ADAM22: variants seen among roughly 807,000 people sequenced by gnomAD.
The protein encoded by ADAM22 is ADAM metallopeptidase domain 22.
Under a neutral mutation model 144.6 loss-of-function variants are expected in ADAM22, and 65 were observed. That is an observed-to-expected ratio of 0.45 (90% CI 0.37 to 0.55). The LOEUF is 0.55. Among genes scored for constraint, ADAM22 ranks in the 20% least tolerant of loss-of-function variants. The probability of loss-of-function intolerance (pLI) is 0.00; values close to 1 mark genes in which losing one functional copy is unlikely to be tolerated. For synonymous variants in ADAM22, 391 were observed against 412.6 expected (o/e 0.95, Z 0.63); for missense variants, 974 against 1,184.9 (o/e 0.82, Z 2.61).
intron 3 of ADAM22, among the ~76,000 whole-genome samples, chr7:88,030,613 A>G (rs1335175504): frequency 2.0e-5 from 3 of 152,106 alleles, no homozygotes. Flanking sequence ...AATGGTTAGC[A>G]TCATCCACCT....
chr7:88,091,088 G>A (rs904456679), intron 4 of ADAM22, among the ~76,000 whole-genome samples: 3 of 152,112 alleles, frequency 2.0e-5, no homozygotes, highest in Admixed American at 6.6e-5. Context: ...AATAATTACT[G>A]TATATTGCTG....
At chr7:88,157,705 A>G (rs1009804514) in intron 22 of ADAM22, among the ~76,000 whole-genome samples, 6 of 152,156 alleles carry the variant, frequency 3.9e-5, no homozygotes, top group African/African-American at 1.2e-4. Context: ...AGCACAGACA[A>G]CAGCAGGCCA....
At chr7:88,010,422 G>T (rs1392513689) in intron 3 of ADAM22, among the ~76,000 whole-genome samples, 9 of 152,074 alleles carry the variant, frequency 5.9e-5, no homozygotes, top group Admixed American at 5.9e-4. Context: ...GTAGCCTAAA[G>T]GTCGCCTGGA....
chr7:87,967,363 C>A (rs1849375665), intron 2 of ADAM22, among the ~76,000 whole-genome samples: 1 of 152,144 alleles, frequency 6.6e-6, no homozygotes, highest in African/African-American at 2.4e-5. Context: ...TGAAGTAGCT[C>A]TTTAAAAAAT....
At chr7:87,984,090 A>C (rs1020168597) in intron 3 of ADAM22, among the ~76,000 whole-genome samples, 2 of 152,204 alleles carry the variant, frequency 1.3e-5, no homozygotes, top group Admixed American at 6.5e-5. Flanking sequence ...GTGACTATAA[A>C]GTAGAATTAC....
In ADAM22 at chr7:88,011,746, C is replaced by G. The variant is rs957397009; in HGVS notation, c.323+33334C>G. 2.4e-4 allele frequency among the ~76,000 whole-genome samples: 36 copies of G among 151,548 alleles called. 2 individuals carry two copies. Among genetic ancestry groups the G allele is most frequent in the Admixed American group, 2.4e-3 (36 of 15,198 alleles). ...TCTCTCTCTCTCCGCCCCCCACCCC[C>G]CAACCTTTCTCTCTAGCTTCTTTCA... On this transcript the variant is annotated intron_variant, in intron 3 of 31. Coordinates refer to ENST00000413139, the MANE Select transcript of ADAM22 (RefSeq NM_001324418.2).
intron 2 of ADAM22, among the ~76,000 whole-genome samples, chr7:87,935,960 C>G (rs1841146137): frequency 6.6e-6 from 1 of 152,130 alleles, no homozygotes; most frequent in African/African-American, 2.4e-5. Context: ...TATTTCTACA[C>G]ATCAGCTGAT....
chr7:88,096,299 T>A lies in ADAM22; in HGVS notation c.391-11877T>A, dbSNP rs888859726. On this transcript the variant is annotated intron_variant, in intron 4 of 31. Transcript: ENST00000413139. ...CCAAAATATATTTTTCAATAATTTCTGCTCTTACTTTTGTAATTTCCTTTT... is the reference window on the plus strand; with the variant it reads ...CCAAAATATATTTTTCAATAATTTCAGCTCTTACTTTTGTAATTTCCTTTT... Among the ~76,000 whole-genome samples the A allele has an allele frequency of 2.6e-4, 39 of 152,068 alleles. No homozygotes were observed. The East Asian group carries it at 6.7e-3, about 26-fold the overall frequency.
chr7:87,949,103 T>A (rs1844409590), intron 2 of ADAM22, among the ~76,000 whole-genome samples: 1 of 152,212 alleles, frequency 6.6e-6, no homozygotes, highest in South Asian at 2.1e-4. Context: ...TCATTCTACT[T>A]TTATGGCTAA....
chr7:88,111,946 T>A (rs1201048217), intron 5 of ADAM22, among the ~76,000 whole-genome samples: 1 of 152,240 alleles, frequency 6.6e-6, no homozygotes, highest in Non-Finnish European at 1.5e-5. Context: ...CATTGGACAT[T>A]AACCTAGTAT....
chr7:88,009,194 A>G (rs558750205), intron 3 of ADAM22, among the ~76,000 whole-genome samples: 2 of 152,302 alleles, frequency 1.3e-5, no homozygotes, highest in African/African-American at 2.4e-5. Flanking sequence ...GACCCCCATG[A>G]CACAGTTTGT....
Position 88,106,933 on chromosome 7 carries a change from C to G in ADAM22, c.391-1243C>G, listed in dbSNP as rs575819914. ...ATTGAATCCAAATAAATGAATCTCTCTTAGTAGAATTTTATTAATGCAATT... is the reference window on the plus strand; with the variant it reads ...ATTGAATCCAAATAAATGAATCTCTGTTAGTAGAATTTTATTAATGCAATT... On this transcript the variant is annotated intron_variant, in intron 4 of 31. Coordinates refer to ENST00000413139, the MANE Select transcript of ADAM22 (RefSeq NM_001324418.2). Among the ~76,000 whole-genome samples, 8 of 152,234 alleles carry G rather than the reference C, an allele frequency of 5.3e-5. No individual in the cohort carries two copies. The South Asian group carries it at 8.3e-4, about 16-fold the overall frequency.
At chr7:88,093,424 A>T (rs1820454899) in intron 4 of ADAM22, among the ~76,000 whole-genome samples, 1 of 152,224 alleles carries the variant, frequency 6.6e-6, no homozygotes, top group South Asian at 2.1e-4. Flanking sequence ...AAGACCAGAG[A>T]ATATATACTA....
intron 3 of ADAM22, among the ~76,000 whole-genome samples, chr7:88,013,809 C>A (rs532096688): frequency 1.5e-4 from 23 of 152,268 alleles, no homozygotes; most frequent in Admixed American, 3.3e-4. Flanking sequence ...AAAAGTGTTT[C>A]CCACACTCAT....
At chr7:88,166,972 C>G (rs1391145352) in intron 24 of ADAM22, among the ~76,000 whole-genome samples, 1 of 152,192 alleles carries the variant, frequency 6.6e-6, no homozygotes, top group Non-Finnish European at 1.5e-5. Flanking sequence ...AAGGAATCCT[C>G]TGGCATTTGC....
Position 88,125,570 on chromosome 7 carries a change from A to T in ADAM22, c.608-19A>T. ...TCTGACAAATGCACTAAGTTAAATTAAATTTAATTTCCTTTTAGAATTTCA... is the reference window on the plus strand; with the variant it reads ...TCTGACAAATGCACTAAGTTAAATTTAATTTAATTTCCTTTTAGAATTTCA... On this transcript the variant is annotated intron_variant, in intron 7 of 31. Coordinates refer to ENST00000413139, the MANE Select transcript of ADAM22 (RefSeq NM_001324418.2). 1 of 1,562,404 alleles carries T rather than the reference A, an allele frequency of 6.4e-7. No individual in the cohort carries two copies. Among genetic ancestry groups the T allele is most frequent in the Non-Finnish European group, 8.8e-7 (1 of 1,141,164 alleles).
Position 88,156,140 on chromosome 7 carries a change from T to TA in ADAM22, c.1907+137dup, listed in dbSNP as rs774046279. On this transcript the variant is annotated intron_variant, in intron 22 of 31. Transcript: ENST00000413139. ...AATCTAGTCTATAGAGACGATTGAG[T>TA]AAATCCTAACAGAGAAGAGATAAAA... is the stretch of plus-strand genomic sequence containing the variant. The TA allele has an allele frequency of 1.0e-4, 91 of 908,964 alleles. 1 individual carries two copies. In the South Asian group the frequency reaches 1.3e-3, roughly 13 times the overall value. 56.3% of individuals were successfully genotyped at this position (908,964 alleles called of 1,614,324 possible).
chr7:88,105,086 C>A (rs987411538), intron 4 of ADAM22, among the ~76,000 whole-genome samples: 3 of 152,034 alleles, frequency 2.0e-5, no homozygotes, highest in African/African-American at 7.2e-5. Flanking sequence ...TAACATGTTT[C>A]CAGAGTTGCG....
intron 3 of ADAM22, among the ~76,000 whole-genome samples, chr7:88,014,414 G>T (rs1300965023): frequency 1.3e-5 from 2 of 152,102 alleles, no homozygotes; most frequent in African/African-American, 4.8e-5. Flanking sequence ...AAAGGTAGGT[G>T]AGGAAGTTTT....
Sources: gnomAD v4.1 joint callset for allele counts (sites outside exome capture counted in the v4.1 genomes callset) on GRCh38, gnomAD v4.1.1 for gene constraint, MANE v1.5 for transcripts, NCBI Gene and HGNC (gene_info 2026-07-23, HGNC 2026-07-21) for gene names.